The following ERCC6L2 variants were observed in gnomAD, a reference collection of about 807,000 sequenced individuals.
ERCC6L2 encodes the protein DNA excision repair protein ERCC-6-like 2.
In ERCC6L2, 77 loss-of-function variants were observed where a neutral mutation model predicts 132.0. That is an observed-to-expected ratio of 0.58 (90% CI 0.49 to 0.71). The LOEUF is 0.71. Among genes scored for constraint, ERCC6L2 ranks in the 30% least tolerant of loss-of-function variants. The probability of loss-of-function intolerance (pLI) is 0.00; values close to 1 mark genes in which losing one functional copy is unlikely to be tolerated. For missense variants in ERCC6L2, 1,542 were observed against 1,837.6 expected (o/e 0.84, Z 2.94); for synonymous variants, 583 against 632.4 (o/e 0.92, Z 1.17).
At chr9:95,919,493 C>T (rs1179966066) in intron 6 of ERCC6L2, among the ~76,000 whole-genome samples, 1 of 152,084 alleles carries the variant, frequency 6.6e-6, no homozygotes, top group Non-Finnish European at 1.5e-5. Flanking sequence ...CAAAGTGGTC[C>T]ACTTGCCCCC....
rs1201241941 is a variant in ERCC6L2, at chr9:96,004,549, A to C, written c.3522A>C (p.Thr1174=). The change falls in exon 18 of 19, where the codon ACA becomes ACC. Residue 1174 remains threonine, a synonymous_variant. Coordinates refer to ENST00000653738, the MANE Select transcript of ERCC6L2 (RefSeq NM_020207.7). ...KTYKEKVDAD[T]LPHTKKGQQP... ...ATAAAGAAAAAGTGGATGCAGATAC[A>C]TTGCCACACACAAAGAAAGGCCAGC... The C allele has an allele frequency of 7.6e-7, 1 of 1,307,558 alleles. No individual in the cohort carries two copies. Among genetic ancestry groups the C allele is most frequent in the Non-Finnish European group, 1.0e-6 (1 of 990,026 alleles). The allele number at this position is 1,307,558 out of a possible 1,614,324, so 81.0% of individuals were successfully genotyped here. A position where few individuals can be genotyped will look rare whatever the true frequency, so the allele number is the denominator to read the frequency against.
At chr9:95,997,382 A>G (rs547068874) in intron 17 of ERCC6L2, among the ~76,000 whole-genome samples, 2 of 152,258 alleles carry the variant, frequency 1.3e-5, no homozygotes, top group African/African-American at 4.8e-5. Context: ...ATGGGACTGA[A>G]CTGCTGCAAT....
At position 95,941,494 on chromosome 9, in the gene ERCC6L2, G is replaced by A. The variant is rs1830797289; in HGVS notation, c.1792G>A (p.Val598Ile). The A allele has an allele frequency of 6.2e-7, 1 of 1,612,176 alleles. No homozygotes were observed. Among genetic ancestry groups the A allele is most frequent in the Non-Finnish European group, 8.5e-7 (1 of 1,179,346 alleles). The change falls in exon 12 of 19, where the codon GTT (valine) becomes ATT (isoleucine). Residue 598 changes from valine (V) to isoleucine (I), a missense_variant. Around this residue, in one of 4 missense-constraint regions of ERCC6L2, gnomAD observed 945 missense variants for 1,105.2 expected, o/e 0.86. Transcript: ENST00000653738. ...LGLNFVGANV[V>I]VLFDPTWNPA... Reference sequence around the variant, plus strand: ...CCTCAATTTTGTCGGTGCCAATGTTGTTGTATTATTTGATCCTACTTGGAA... The same window carrying A: ...CCTCAATTTTGTCGGTGCCAATGTTATTGTATTATTTGATCCTACTTGGAA...
chr9:95,943,016 A>T (rs1324731821), intron 12 of ERCC6L2, among the ~76,000 whole-genome samples: 2 of 152,188 alleles, frequency 1.3e-5, no homozygotes, highest in Non-Finnish European at 2.9e-5. Flanking sequence ...TCAGCATTAT[A>T]GGATTCTAGA....
rs964347200 is a variant in ERCC6L2 at position 96,012,859 on chromosome 9, A to C, written c.4309A>C (p.Ser1437Arg). 2.2e-6 allele frequency: 3 copies of C among 1,367,640 alleles called. No homozygotes were observed. The highest frequency in any genetic ancestry group is 2.9e-6 in the Non-Finnish European group (3 of 1,021,846). 84.7% of individuals were successfully genotyped at this position (1,367,640 alleles called of 1,614,324 possible). A position where few individuals can be genotyped will look rare whatever the true frequency, so the allele number is the denominator to read the frequency against. ...NPVLENTSVI[S>R]LLGDTSILDD... ...AGTGCTGGAAAATACTTCTGTGATA[A>C]GCTTACTTGGTGATACCTCTATTCT... Residue 1437 changes from serine to arginine, a missense_variant, in exon 19 of 19, where the codon AGC becomes CGC. By Grantham distance (110) the Ser-to-Arg change is moderately radical. Around this residue, in one of 4 missense-constraint regions of ERCC6L2, gnomAD observed 442 missense variants for 583.4 expected, o/e 0.76. Transcript: ENST00000653738.
intron 11 of ERCC6L2, among the ~76,000 whole-genome samples, chr9:95,929,489 G>T (rs958758911): frequency 2.0e-5 from 3 of 152,132 alleles, no homozygotes; most frequent in Admixed American, 2.0e-4. Flanking sequence ...TGTGTAATAA[G>T]AATTTTATAG....
rs1489192455 is a variant in ERCC6L2 at position 95,917,851 on chromosome 9, T to C, written c.1158+1417T>C. On this transcript the variant is annotated intron_variant, in intron 6 of 18. Coordinates refer to ENST00000653738, the MANE Select transcript of ERCC6L2 (RefSeq NM_020207.7). ...TGATAATAGTGCCTGCCTCACATGG[T>C]TACTCTGAAATGCATGACACATAAG... 3.3e-5 allele frequency among the ~76,000 whole-genome samples: 5 copies of C among 152,196 alleles called. 1 individual carries two copies. The highest frequency in any genetic ancestry group is 1.2e-4 in the African/African-American group (5 of 41,444).
At chr9:95,921,678 T>C (rs1485624226) in intron 7 of ERCC6L2, among the ~76,000 whole-genome samples, 1 of 152,216 alleles carries the variant, frequency 6.6e-6, no homozygotes, top group Admixed American at 6.5e-5. Flanking sequence ...TAAAATACTA[T>C]TCTGATGTTA....
chr9:95,964,174 A>G (rs1832045856), intron 13 of ERCC6L2, among the ~76,000 whole-genome samples: 1 of 152,028 alleles, frequency 6.6e-6, no homozygotes, highest in African/African-American at 2.4e-5. Context: ...TTGGCACTCT[A>G]CCATTTAAAA....
intron 2 of ERCC6L2, among the ~76,000 whole-genome samples, chr9:95,883,600 C>T (rs1328912923): frequency 6.6e-6 from 1 of 152,230 alleles, no homozygotes; most frequent in Non-Finnish European, 1.5e-5. Context: ...GTGGTTCACA[C>T]CTGTAATCCC....
rs1827218802 is a variant in ERCC6L2 at position 95,875,828 on chromosome 9, C to G, written c.-211C>G. On this transcript the variant is annotated 5_prime_UTR_variant, in exon 1 of 19. Coordinates refer to ENST00000653738, the MANE Select transcript of ERCC6L2 (RefSeq NM_020207.7). ...CTGGCTCTGCCGCCGCTCCGGACGT[C>G]GCCCTCCCGTTCTGCTTGGGTCCCC... 3.5e-6 allele frequency: 2 copies of G among 578,498 alleles called. No homozygotes were observed. Among genetic ancestry groups the G allele is most frequent in the Non-Finnish European group, 6.2e-6 (2 of 322,220 alleles). The allele number at this position is 578,498 out of a possible 1,614,324, so 35.8% of individuals were successfully genotyped here.
At position 95,972,848 on chromosome 9, in the gene ERCC6L2, C is replaced by T. The variant is rs775179099; in HGVS notation, c.3097C>T (p.His1033Tyr). Residue 1033 changes from histidine (H) to tyrosine (Y), a missense_variant, in exon 16 of 19, where the codon CAT becomes TAT. Transcript: ENST00000653738. The stretch of plus-strand genomic sequence containing the variant: ...CCAAGTGTATGCAGCAAATGAGGAT[C>T]ATAACTCTCAGTTTATTGATGATTA... The part of the protein sequence containing the change: ...TNQVYAANED[H>Y]NSQFIDDYSS... 7.7e-7 allele frequency: 1 copy of T among 1,305,072 alleles called. No individual in the cohort carries two copies. The highest frequency in any genetic ancestry group is 1.0e-6 in the Non-Finnish European group (1 of 988,874). 80.8% of individuals were successfully genotyped at this position (1,305,072 alleles called of 1,614,324 possible). A position where few individuals can be genotyped will look rare whatever the true frequency, so the allele number is the denominator to read the frequency against.
At chr9:96,024,517 G>A (rs1588065469) in intron 19 of ERCC6L2, among the ~76,000 whole-genome samples, 1 of 152,238 alleles carries the variant, frequency 6.6e-6, no homozygotes, top group African/African-American at 2.4e-5. Flanking sequence ...CTCTCCAGCG[G>A]TCTCTTTCTA....
intron 11 of ERCC6L2, among the ~76,000 whole-genome samples, chr9:95,939,818 A>G (rs1830716651): frequency 6.6e-6 from 1 of 152,084 alleles, no homozygotes; most frequent in African/African-American, 2.4e-5. Context: ...TTCAGGCTGC[A>G]ATTTTCCTGG....
At chr9:96,040,647 C>A (rs1276335039) in intron 20 of ERCC6L2, among the ~76,000 whole-genome samples, 1 of 152,234 alleles carries the variant, frequency 6.6e-6, no homozygotes, top group East Asian at 1.9e-4. Context: ...GTGGTCCCTG[C>A]CCCCTGCCAT....
At chr9:95,998,659 G>T (rs1347236257) in intron 17 of ERCC6L2, among the ~76,000 whole-genome samples, 1 of 152,180 alleles carries the variant, frequency 6.6e-6, no homozygotes, top group Admixed American at 6.5e-5. Context: ...AGCTGGAAAA[G>T]CAAAGAAATT....
intron 16 of ERCC6L2, among the ~76,000 whole-genome samples, chr9:95,974,958 G>A (rs955390484): frequency 6.6e-6 from 1 of 151,988 alleles, no homozygotes; most frequent in East Asian, 1.9e-4. Context: ...TGGTTCTCAA[G>A]CATATAGGGA....
chr9:95,990,594 C>T (rs1019460051), intron 17 of ERCC6L2, among the ~76,000 whole-genome samples: 16 of 152,152 alleles, frequency 1.1e-4, no homozygotes, highest in African/African-American at 3.4e-4. Context: ...CGTTTCAGCC[C>T]GCTGCTGGCC....
chr9:95,921,344 A>C, intron 7 of ERCC6L2, 29 bp downstream of exon 7: 1 of 1,584,104 alleles, frequency 6.3e-7, no homozygotes, highest in Non-Finnish European at 8.6e-7. Flanking sequence ...CTTTATAATC[A>C]TGCTTTTGAT....
Sources: gnomAD v4.1 joint callset for allele counts (sites outside exome capture counted in the v4.1 genomes callset) on GRCh38, gnomAD v4.1.1 for gene constraint, gnomAD v4.1.1 regional missense constraint, MANE v1.5 for transcripts, NCBI Gene and HGNC (gene_info 2026-07-23, HGNC 2026-07-21) for gene names.